The following APBA1 variants were observed in gnomAD, a reference collection of about 807,000 sequenced individuals.
APBA1 encodes amyloid-beta A4 precursor protein-binding family A member 1.
A neutral mutation model predicts 86.6 loss-of-function variants in APBA1; 55 were observed. The ratio of observed to expected loss-of-function variants is 0.64; its 90% CI spans 0.51 to 0.80. APBA1 has a LOEUF of 0.80. APBA1 is among the 30% of genes least tolerant of loss of function. APBA1 has a pLI of 0.00. For synonymous variants in APBA1, 511 were observed against 493.9 expected (o/e 1.03, Z -0.46); for missense variants, 1,090 against 1,183.0 (o/e 0.92, Z 1.15).
intron 1 of APBA1, among the ~76,000 whole-genome samples, chr9:69,592,826 G>T (rs1402872734): frequency 1.3e-5 from 2 of 152,052 alleles, no homozygotes; most frequent in Non-Finnish European, 2.9e-5. Flanking sequence ...AACAAAAAAA[G>T]AAGTAGTTTC....
chr9:69,665,166 G>C (rs1823821498), intron 1 of APBA1, among the ~76,000 whole-genome samples: 1 of 152,296 alleles, frequency 6.6e-6, no homozygotes, highest in South Asian at 2.1e-4. Context: ...GGTGGATAAA[G>C]ACCCCACTTT....
intron 1 of APBA1, among the ~76,000 whole-genome samples, chr9:69,604,726 G>A (rs1006354588): frequency 1.5e-5 from 2 of 130,954 alleles, no homozygotes; most frequent in South Asian, 2.3e-4. Context: ...AGAGGCACAC[G>A]AGTGTGGGCA....
At chr9:69,583,429 C>T (rs1271114351) in intron 1 of APBA1, among the ~76,000 whole-genome samples, 1 of 152,150 alleles carries the variant, frequency 6.6e-6, no homozygotes, top group Non-Finnish European at 1.5e-5. Context: ...TACAGAAATC[C>T]TGAGTGTTCA....
intron 1 of APBA1, among the ~76,000 whole-genome samples, chr9:69,591,614 C>T (rs1416514685): frequency 6.6e-6 from 1 of 152,176 alleles, no homozygotes; most frequent in African/African-American, 2.4e-5. Flanking sequence ...TGGCACTTCT[C>T]GGCCCAGAGG....
chr9:69,632,721 T>G (rs564335783), intron 1 of APBA1, among the ~76,000 whole-genome samples: 1 of 152,320 alleles, frequency 6.6e-6, no homozygotes, highest in Admixed American at 6.5e-5. Flanking sequence ...ATGAAGTCAC[T>G]TGTTCATACT....
intron 1 of APBA1, among the ~76,000 whole-genome samples, chr9:69,522,751 C>T (rs755159670): frequency 1.3e-5 from 2 of 152,188 alleles, no homozygotes; most frequent in Non-Finnish European, 2.9e-5. Flanking sequence ...AGCTAGTGAG[C>T]ATCCTAAGCA....
At chr9:69,593,682 C>T (rs1656124097) in intron 1 of APBA1, among the ~76,000 whole-genome samples, 1 of 152,224 alleles carries the variant, frequency 6.6e-6, no homozygotes, top group African/African-American at 2.4e-5. Context: ...TGACCATTTG[C>T]TGAAAGGAAG....
intron 1 of APBA1, among the ~76,000 whole-genome samples, chr9:69,587,294 TAGA>T (rs1358028388): frequency 6.6e-6 from 1 of 152,232 alleles, no homozygotes; most frequent in Non-Finnish European, 1.5e-5. Context: ...CCCCAGAGTC[TAGA>T]AGACTTCCAC....
In APBA1 at chr9:69,516,144, G is replaced by A; in HGVS notation, c.1067C>T (p.Ala356Val). The change falls in exon 2 of 13, where the codon GCC becomes GTC. Residue 356 changes from alanine (A) to valine (V), a missense_variant. By Grantham distance (64) the Ala-to-Val change is moderately conservative. Coordinates refer to ENST00000265381, the MANE Select transcript of APBA1 (RefSeq NM_001163.4). This position sits in a 1 kb window ranked among gnomAD's most constrained non-coding sequence, Gnocchi z 7.3. ...GGTCCTGGTTTTCACCTCCTCGATGGCCTCCTTGATGTCCTTGATGGCCAG... is the reference window on the plus strand; with the variant it reads ...GGTCCTGGTTTTCACCTCCTCGATGACCTCCTTGATGTCCTTGATGGCCAG... ...ISLAIKDIKE[A>V]IEEVKTRTIR... is the part of the protein sequence containing the mutation. The A allele has an allele frequency of 1.2e-6, 2 of 1,613,140 alleles. No individual in the cohort carries two copies. The highest frequency in any genetic ancestry group is 1.7e-6 in the Non-Finnish European group (2 of 1,179,558).
chr9:69,449,502 AT>A (rs1468274947), intron 10 of APBA1, 81 bp downstream of exon 10: 27 of 1,268,870 alleles, frequency 2.1e-5, no homozygotes, highest in African/African-American at 2.9e-5. Context: ...ATATGTTCAT[AT>A]ACATTAATGA....
chr9:69,461,891 G>A lies in APBA1; in HGVS notation c.1483-3703C>T, dbSNP rs928107647. ...GAGATTGAGATAATGCATGTGAAGG[G>A]CCTAATACTTTACTGATCATAGATT... On this transcript the variant is annotated intron_variant, in intron 5 of 12. Transcript: ENST00000265381. 7 of 152,274 alleles carry A rather than the reference G, an allele frequency of 4.6e-5. No homozygotes were observed. The South Asian group carries it at 1.2e-3, about 27-fold the overall frequency. The allele number at this position is 152,274 out of a possible 1,614,324, so 9.4% of individuals were successfully genotyped here.
chr9:69,631,010 C>G (rs1263201015), intron 1 of APBA1, among the ~76,000 whole-genome samples: 1 of 152,178 alleles, frequency 6.6e-6, no homozygotes, highest in Non-Finnish European at 1.5e-5. Flanking sequence ...ACTCAGTCTT[C>G]TCACCTGTAA....
At chr9:69,495,635 G>A (rs758372944) in intron 2 of APBA1, among the ~76,000 whole-genome samples, 1 of 152,080 alleles carries the variant, frequency 6.6e-6, no homozygotes, top group African/African-American at 2.4e-5. Context: ...TTCTGAGAAG[G>A]GGCTGGCCTA....
intron 1 of APBA1, among the ~76,000 whole-genome samples, chr9:69,522,684 G>A (rs1431017278): frequency 6.6e-6 from 1 of 152,162 alleles, no homozygotes; most frequent in Non-Finnish European, 1.5e-5. Context: ...GACAACAATT[G>A]TAACACCTTG....
rs74972557 is a variant in APBA1, at chr9:69,646,015, A to C, written c.-70+26138T>G. The stretch of plus-strand genomic sequence containing the variant: ...TTTACTTTAAATATCACATGGATAG[A>C]CATACTCACCAATCTTAACACCAGT... On this transcript the variant is annotated intron_variant, in intron 1 of 12. Coordinates refer to ENST00000265381, the MANE Select transcript of APBA1 (RefSeq NM_001163.4). Among the ~76,000 whole-genome samples, 434 of 152,390 alleles carry C rather than the reference A, an allele frequency of 2.8e-3. 2 individuals carry two copies. The highest frequency in any genetic ancestry group is 9.8e-3 in the African/African-American group (407 of 41,596).
chr9:69,452,545 G>A (rs1460895289), intron 8 of APBA1, among the ~76,000 whole-genome samples: 5 of 152,226 alleles, frequency 3.3e-5, no homozygotes, highest in Non-Finnish European at 7.3e-5. Flanking sequence ...CAGCAGACAG[G>A]AGTCAGAGAT....
At chr9:69,631,886 T>C (rs189854447) in intron 1 of APBA1, among the ~76,000 whole-genome samples, 32 of 152,200 alleles carry the variant, frequency 2.1e-4, no homozygotes, top group Admixed American at 1.8e-3. Context: ...GTGGGGAACA[T>C]CACACACTGG....
chr9:69,528,737 C>T (rs2133903748), intron 1 of APBA1, among the ~76,000 whole-genome samples: 1 of 151,894 alleles, frequency 6.6e-6, no homozygotes, highest in South Asian at 2.1e-4. Context: ...CAATCTGTAC[C>T]ATTTTCACAC....
At chr9:69,659,399 A>C (rs1404537991) in intron 1 of APBA1, among the ~76,000 whole-genome samples, 12 of 152,222 alleles carry the variant, frequency 7.9e-5, no homozygotes, top group Admixed American at 7.9e-4. Flanking sequence ...ATCCACTTTC[A>C]TATGCACATT....
Sources: allele counts gnomAD v4.1 joint callset (sites outside exome capture counted in the v4.1 genomes callset), GRCh38; gene constraint gnomAD v4.1.1; non-coding constraint Gnocchi (gnomAD v3.1); transcripts MANE v1.5; gene names NCBI Gene and HGNC (gene_info 2026-07-23, HGNC 2026-07-21).